PIGB: variants seen among roughly 807,000 people sequenced by gnomAD.
PIGB encodes GPI alpha-1,2-mannosyltransferase 3.
In PIGB, 58 loss-of-function variants were observed where a neutral mutation model predicts 68.4. The ratio of observed to expected loss-of-function variants is 0.85; its 90% CI spans 0.69 to 1.06. The LOEUF (loss-of-function observed/expected upper bound fraction) is 1.06. Among genes scored for constraint, PIGB ranks in the 50% least tolerant of loss-of-function variants. The probability of loss-of-function intolerance (pLI) is 0.00; values close to 1 mark genes in which losing one functional copy is unlikely to be tolerated. For missense variants in PIGB, 634 were observed against 655.8 expected, an observed-to-expected ratio of 0.97 and a Z score of 0.36; for synonymous variants, 219 against 220.5, an observed-to-expected ratio of 0.99 and a Z score of 0.06.
rs1194469835 is a variant in PIGB, at chr15:55,320,394, C to T, written c.283C>T (p.His95Tyr). The T allele has an allele frequency of 8.1e-6, 13 of 1,613,328 alleles. No individual in the cohort carries two copies. Among genetic ancestry groups the T allele is most frequent in the Non-Finnish European group, 1.1e-5 (13 of 1,179,630 alleles). ...ATACTGGCAGTCTCTTGAAGTTTCA[C>T]ATCACATGGTTTTCAAATATCCTTT... ...DEYWQSLEVS[H>Y]HMVFNYGYLT... The change falls in exon 2 of 12, where the codon CAT becomes TAT. Residue 95 changes from histidine to tyrosine, a missense_variant. Coordinates refer to ENST00000164305, the MANE Select transcript of PIGB (RefSeq NM_004855.5).
rs1236030149 is a variant in PIGB, at chr15:55,347,844, C to T, written c.1124-2855C>T. ...CTAACTTAAGAGACGCTCTGTCTCA[C>T]CAGTACTGAAGATGCTGGAAACACA... On this transcript the variant is annotated intron_variant, in intron 9 of 11. Transcript: ENST00000164305. Among the ~76,000 whole-genome samples, 3 of 152,178 alleles carry T rather than the reference C, an allele frequency of 2.0e-5. 1 individual carries two copies. The highest frequency in any genetic ancestry group is 4.4e-5 in the Non-Finnish European group (3 of 68,032).
Position 55,354,991 on chromosome 15 carries a change from GA to G in PIGB, c.1518+18del, listed in dbSNP as rs1337523934. On this transcript the variant is annotated intron_variant, in intron 11 of 11. Transcript: ENST00000164305. ...CATTTTGGAAGAGGTAAGTAAACATGAAAAAGAGGAAAACTCAGTATTTTAA... is the reference window on the plus strand; with the variant it reads ...CATTTTGGAAGAGGTAAGTAAACATGAAAAGAGGAAAACTCAGTATTTTAA... 6.3e-7 allele frequency: 1 copy of G among 1,588,590 alleles called. No individual in the cohort carries two copies. The highest frequency in any genetic ancestry group is 8.6e-7 in the Non-Finnish European group (1 of 1,167,168).
intron 10 of PIGB, among the ~76,000 whole-genome samples, chr15:55,354,149 TA>T (rs917764046): frequency 6.6e-6 from 1 of 150,916 alleles, no homozygotes; most frequent in African/African-American, 2.4e-5. Context: ...CCATCTCTAC[TA>T]AAAAAATACA....
At chr15:55,324,392 C>T (rs768694080) in intron 3 of PIGB, among the ~76,000 whole-genome samples, 17 of 152,126 alleles carry the variant, frequency 1.1e-4, no homozygotes, top group Non-Finnish European at 2.4e-4. Flanking sequence ...ATTATGGCAT[C>T]AAAAATCTGG....
chr15:55,345,008 G>A (rs1318477097), intron 9 of PIGB, among the ~76,000 whole-genome samples: 1 of 145,638 alleles, frequency 6.9e-6, no homozygotes, highest in Admixed American at 7.3e-5. Context: ...AGATTCTCCT[G>A]CCTCAGCCTC....
At chr15:55,339,246 T>C in intron 6 of PIGB, 21 bp from the exon 7 acceptor site, 1 of 1,536,250 alleles carries the variant, frequency 6.5e-7, no homozygotes, top group Non-Finnish European at 8.8e-7. Flanking sequence ...TGTGAATCAC[T>C]ATGCTATTTT....
At chr15:55,341,639 G>T (rs528000898) in intron 8 of PIGB, 99 bp from the exon 9 acceptor site, 1 of 398,246 alleles carries the variant, frequency 2.5e-6, no homozygotes. Flanking sequence ...AAAATAAATA[G>T]ATCAAGTTAA....
At chr15:55,354,157 T>C (rs2056007467) in intron 10 of PIGB, among the ~76,000 whole-genome samples, 1 of 151,440 alleles carries the variant, frequency 6.6e-6, no homozygotes, top group Non-Finnish European at 1.5e-5. Context: ...ACTAAAAAAA[T>C]ACAAAAATCA....
chr15:55,333,691 C>G (rs1426742178), intron 5 of PIGB, among the ~76,000 whole-genome samples, 176 bp from the exon 6 acceptor site: 2 of 152,130 alleles, frequency 1.3e-5, no homozygotes, highest in African/African-American at 2.4e-5. Context: ...AAGATCATGC[C>G]ACTGCACTCC....
At chr15:55,333,826 T>C in intron 5 of PIGB, 41 bp from the exon 6 acceptor site, 1 of 1,451,300 alleles carries the variant, frequency 6.9e-7, no homozygotes, top group South Asian at 1.4e-5. Flanking sequence ...TAACTTCAAG[T>C]TAATTTCCCA....
At chr15:55,344,300 G>A (rs544640675) in intron 9 of PIGB, among the ~76,000 whole-genome samples, 1 of 152,346 alleles carries the variant, frequency 6.6e-6, no homozygotes, top group African/African-American at 2.4e-5. Flanking sequence ...ACTAGCTGTA[G>A]GCCAAGTCTT....
At chr15:55,345,574 C>T (rs1028657140) in intron 9 of PIGB, among the ~76,000 whole-genome samples, 2 of 152,148 alleles carry the variant, frequency 1.3e-5, no homozygotes, top group African/African-American at 4.8e-5. Context: ...GCCTGGCCAA[C>T]AGGGTGAAAC....
intron 6 of PIGB, among the ~76,000 whole-genome samples, chr15:55,336,103 G>A (rs760714055): frequency 6.6e-6 from 1 of 152,140 alleles, no homozygotes; most frequent in Non-Finnish European, 1.5e-5. Flanking sequence ...ACTCATTGCA[G>A]GTTGAAAATA....
In PIGB at chr15:55,319,290, G is replaced by A. The variant is rs1191317490; in HGVS notation, c.40G>A (p.Gly14Ser). 1.9e-6 allele frequency: 3 copies of A among 1,606,624 alleles called. No homozygotes were observed. The highest frequency in any genetic ancestry group is 2.2e-5 in the East Asian group (1 of 44,740). ...AAGCAAGTGCGGAATGGAGCCGGGG[G>A]GCGGAGATGCCAGCCTCACTTTGCA... is the stretch of plus-strand genomic sequence containing the variant. Reference protein sequence around the residue: ...PLSKCGMEPGGGDASLTLHGL... With the variant: ...PLSKCGMEPGSGDASLTLHGL... The change falls in exon 1 of 12, where the codon GGC becomes AGC. Residue 14 changes from glycine (G) to serine (S), a missense_variant. By Grantham distance (56) the Gly-to-Ser change is moderately conservative. Coordinates refer to ENST00000164305, the MANE Select transcript of PIGB (RefSeq NM_004855.5).
intron 10 of PIGB, chr15:55,351,514 T>G (rs1177826562): frequency 1.3e-5 from 2 of 152,304 alleles, no homozygotes; most frequent in African/African-American, 2.4e-5. Context: ...AAGAAACTCA[T>G]GTATTACTTA....
intron 5 of PIGB, among the ~76,000 whole-genome samples, chr15:55,330,597 G>T (rs7183157): frequency 0.32 from 48,127 of 151,856 alleles, 8,506 homozygotes; most frequent in East Asian, 0.56. Context: ...TGGAAGAAGA[G>T]AAGAAGAAGG....
At chr15:55,342,781 T>C (rs2055701224) in intron 9 of PIGB, among the ~76,000 whole-genome samples, 1 of 152,246 alleles carries the variant, frequency 6.6e-6, no homozygotes, top group Non-Finnish European at 1.5e-5. Flanking sequence ...TATTTTTTTG[T>C]CACTTACAAA....
In PIGB at chr15:55,329,526, T is replaced by C. The variant is rs113070448; in HGVS notation, c.523-198T>C. ...ATAAACTTCTTAACATGAACAAATA[T>C]AGATCTGCTATTATCATAAACCTGT... On this transcript the variant is annotated intron_variant, in intron 4 of 11. Transcript: ENST00000164305. Among the ~76,000 whole-genome samples, 754 of 152,310 alleles carry C rather than the reference T, an allele frequency of 5.0e-3. 10 individuals carry two copies. The highest frequency in any genetic ancestry group is 0.017 in the African/African-American group (716 of 41,558).
chr15:55,327,651 T>C lies in PIGB; in HGVS notation c.522+16T>C, dbSNP rs2055323436. 1 of 1,455,416 alleles carries C rather than the reference T, an allele frequency of 6.9e-7. No individual in the cohort carries two copies. The highest frequency in any genetic ancestry group is 1.4e-5 in the African/African-American group (1 of 72,028). 90.2% of individuals were successfully genotyped at this position (1,455,416 alleles called of 1,614,324 possible). A position where few individuals can be genotyped will look rare whatever the true frequency, so the allele number is the denominator to read the frequency against. On this transcript the variant is annotated intron_variant, in intron 4 of 11. Transcript: ENST00000164305. The stretch of plus-strand genomic sequence containing the variant: ...AAGATGGGTGGTAAGTCCTAAATAC[T>C]TTAGAAGCTGTATGCCAGTTATTTC...
Sources: gnomAD v4.1 joint callset for allele counts (sites outside exome capture counted in the v4.1 genomes callset) on GRCh38, gnomAD v4.1.1 for gene constraint, MANE v1.5 for transcripts, NCBI Gene and HGNC (gene_info 2026-07-23, HGNC 2026-07-21) for gene names.